The following TNFAIP8 variants were observed in gnomAD, a reference collection of about 807,000 sequenced individuals.
TNFAIP8 encodes the protein tumor necrosis factor alpha-induced protein 8.
TNFAIP8 carries 7 observed loss-of-function variants against 13.3 expected under a neutral mutation model. The observed-to-expected ratio is 0.52, with a 90% CI of 0.30 to 0.99. The LOEUF (loss-of-function observed/expected upper bound fraction) is 0.99, where lower values mean the gene tolerates loss of function less well. Ranked by LOEUF, TNFAIP8 falls within the 50% of genes least tolerant of loss-of-function variation. TNFAIP8 has a pLI of 0.07. For missense variants in TNFAIP8, 258 were observed against 236.9 expected (o/e 1.09, Z -0.58); for synonymous variants, 94 against 87.6 (o/e 1.07, Z -0.41).
At chr5:119,360,941 A>C (rs1299105747) in intron 1 of TNFAIP8, among the ~76,000 whole-genome samples, 1 of 152,124 alleles carries the variant, frequency 6.6e-6, no homozygotes, top group Admixed American at 6.6e-5. Context: ...AAAGTTGTAG[A>C]CCAAGTGAGA....
chr5:119,287,720 C>T (rs568227576), intron 1 of TNFAIP8, among the ~76,000 whole-genome samples: 2 of 152,258 alleles, frequency 1.3e-5, no homozygotes, highest in South Asian at 2.1e-4. Context: ...TATGTGTTAA[C>T]GAATGACTTC....
At chr5:119,365,015 C>A (rs1751791340) in intron 1 of TNFAIP8, among the ~76,000 whole-genome samples, 1 of 151,814 alleles carries the variant, frequency 6.6e-6, no homozygotes, top group African/African-American at 2.4e-5. Context: ...CCACGCCCAG[C>A]TAATTTTTGT....
At chr5:119,292,677 TATATATATACACACACAC>T (rs1375868505) in intron 1 of TNFAIP8, among the ~76,000 whole-genome samples, 617 of 36,426 alleles carry the variant, frequency 0.017, 85 homozygotes, top group East Asian at 0.026. Context: ...TATATATATA[TATATATATACACACACAC>T]ACAATGAAAT....
chr5:119,303,120 C>G (rs1280542508), intron 1 of TNFAIP8, among the ~76,000 whole-genome samples: 1 of 152,170 alleles, frequency 6.6e-6, no homozygotes, highest in Non-Finnish European at 1.5e-5. Flanking sequence ...AAACCAGAGC[C>G]TGGTTTCCCC....
chr5:119,334,298 T>G (rs1349698859), intron 1 of TNFAIP8, among the ~76,000 whole-genome samples: 1 of 152,224 alleles, frequency 6.6e-6, no homozygotes, highest in Non-Finnish European at 1.5e-5. Context: ...GAATAGAGTG[T>G]TTTAAATAGC....
chr5:119,316,604 A>G (rs1331046152), intron 1 of TNFAIP8, among the ~76,000 whole-genome samples: 1 of 152,230 alleles, frequency 6.6e-6, no homozygotes, highest in East Asian at 1.9e-4. Flanking sequence ...ACTCTAAGGC[A>G]GAGATTCTCA....
chr5:119,385,323 G>A (rs1752627740), intron 1 of TNFAIP8, among the ~76,000 whole-genome samples: 1 of 152,128 alleles, frequency 6.6e-6, no homozygotes, highest in African/African-American at 2.4e-5. Context: ...TGGTTCTCTG[G>A]GAGGCTTCAG....
At chr5:119,369,266 C>A (rs1390794759) in intron 1 of TNFAIP8, among the ~76,000 whole-genome samples, 1 of 152,108 alleles carries the variant, frequency 6.6e-6, no homozygotes, top group Non-Finnish European at 1.5e-5. Context: ...GTTGGCCAGG[C>A]TGGTCTCGAA....
intron 1 of TNFAIP8, among the ~76,000 whole-genome samples, chr5:119,287,214 A>G (rs971292660): frequency 6.7e-6 from 1 of 149,906 alleles, no homozygotes; most frequent in African/African-American, 2.4e-5. Flanking sequence ...TATCACTTAC[A>G]GCATTCCTCC....
intron 1 of TNFAIP8, among the ~76,000 whole-genome samples, chr5:119,377,914 C>G (rs956096719): frequency 3.3e-5 from 5 of 152,022 alleles, no homozygotes; most frequent in Admixed American, 6.6e-5. Flanking sequence ...CCTACAGAAC[C>G]CAGGAAATGA....
At position 119,392,922 on chromosome 5, in the gene TNFAIP8, A is replaced by C. The variant is rs373300866; in HGVS notation, c.138A>C (p.Thr46=). Reference sequence around the variant, plus strand: ...TCGCCACCACCTTAATAGACGACACAAGTAGTGAGGTGCTGGATGAGCTCT... The same window carrying C: ...TCGCCACCACCTTAATAGACGACACCAGTAGTGAGGTGCTGGATGAGCTCT... ...KSIATTLIDD[T]SSEVLDELYR... is the part of the protein sequence containing the mutation. The change falls in exon 2 of 2, where the codon ACA becomes ACC. Residue 46 remains threonine, a synonymous_variant. Transcript: ENST00000504771. 5 of 1,605,694 alleles carry C rather than the reference A, an allele frequency of 3.1e-6. No individual in the cohort carries two copies. In the East Asian group the frequency reaches 6.7e-5, roughly 22 times the overall value.
chr5:119,333,978 T>C (rs1269998513), intron 1 of TNFAIP8, among the ~76,000 whole-genome samples: 2 of 152,242 alleles, frequency 1.3e-5, no homozygotes, highest in Non-Finnish European at 2.9e-5. Flanking sequence ...GTTTCTCTTT[T>C]ACATTTTCCA....
chr5:119,364,474 A>G (rs1000915927), intron 1 of TNFAIP8, among the ~76,000 whole-genome samples: 1 of 151,948 alleles, frequency 6.6e-6, no homozygotes, highest in Non-Finnish European at 1.5e-5. Flanking sequence ...TACCCTGCCA[A>G]GTAGCTGGGA....
At chr5:119,334,759 G>A (rs1353468554) in intron 1 of TNFAIP8, among the ~76,000 whole-genome samples, 1 of 151,852 alleles carries the variant, frequency 6.6e-6, no homozygotes, top group Non-Finnish European at 1.5e-5. Context: ...TGGTGACAGA[G>A]TGAGACTCCG....
At chr5:119,314,240 G>A (rs1237486470) in intron 1 of TNFAIP8, among the ~76,000 whole-genome samples, 1 of 152,190 alleles carries the variant, frequency 6.6e-6, no homozygotes, top group African/African-American at 2.4e-5. Flanking sequence ...GTTCATTTGT[G>A]AATCTCCAGC....
At chr5:119,285,283 G>A (rs1748745782) in intron 1 of TNFAIP8, among the ~76,000 whole-genome samples, 1 of 152,160 alleles carries the variant, frequency 6.6e-6, no homozygotes, top group Admixed American at 6.5e-5. Flanking sequence ...TAATCCCTCA[G>A]TGTGAAAATT....
At chr5:119,355,597 A>G (rs542696110), upstream of TNFAIP8, 10 of 563,244 alleles carry the variant, frequency 1.8e-5, no homozygotes, top group South Asian at 2.4e-4. Context: ...CAAAAAATGT[A>G]ATCCAAAAAT....
intron 1 of TNFAIP8, among the ~76,000 whole-genome samples, chr5:119,338,326 T>A (rs992798678): frequency 1.3e-5 from 2 of 152,132 alleles, no homozygotes; most frequent in African/African-American, 4.8e-5. Context: ...GGAAGCCCCG[T>A]CAGGAAGGGT....
chr5:119,385,119 G>A (rs1216519501), intron 1 of TNFAIP8, among the ~76,000 whole-genome samples: 1 of 152,162 alleles, frequency 6.6e-6, no homozygotes, highest in African/African-American at 2.4e-5. Flanking sequence ...TACACTGCTG[G>A]ATCTTTTCAG....
Sources: gnomAD v4.1 joint callset for allele counts (sites outside exome capture counted in the v4.1 genomes callset) on GRCh38, gnomAD v4.1.1 for gene constraint, MANE v1.5 for transcripts, NCBI Gene and HGNC (gene_info 2026-07-23, HGNC 2026-07-21) for gene names.